MYO3B: variants seen among roughly 807,000 people sequenced by gnomAD.
The protein encoded by MYO3B is myosin IIIB.
A neutral mutation model predicts 174.6 loss-of-function variants in MYO3B; 156 were observed. That is an observed-to-expected ratio of 0.89 (90% confidence interval 0.78 to 1.02). The LOEUF is 1.02. Ranked by LOEUF, MYO3B falls within the 50% of genes least tolerant of loss-of-function variation. The probability of loss-of-function intolerance (pLI) is 0.00; values close to 1 mark genes in which losing one functional copy is unlikely to be tolerated. For synonymous variants in MYO3B, 563 were observed against 569.1 expected (o/e 0.99, Z 0.15); for missense variants, 1,632 against 1,639.4 (o/e 1.00, Z 0.08).
At chr2:170,444,786 A>T (rs1233272838) in intron 23 of MYO3B, among the ~76,000 whole-genome samples, 1 of 152,216 alleles carries the variant, frequency 6.6e-6, no homozygotes, top group Non-Finnish European at 1.5e-5. Context: ...TGTTAAAAAT[A>T]ATTTTTTACC....
chr2:170,235,434 T>C (rs2093059547), intron 6 of MYO3B, among the ~76,000 whole-genome samples: 1 of 152,230 alleles, frequency 6.6e-6, no homozygotes, highest in African/African-American at 2.4e-5. Context: ...CAGTTGTTTC[T>C]GTGATGCATA....
intron 7 of MYO3B, among the ~76,000 whole-genome samples, chr2:170,328,148 C>T (rs919161581): frequency 4.6e-5 from 7 of 151,926 alleles, no homozygotes; most frequent in African/African-American, 1.5e-4. Flanking sequence ...GTGATCTGCC[C>T]GCCTCAGCCT....
At chr2:170,520,110 C>T (rs1189070066) in intron 30 of MYO3B, 1 of 152,204 alleles carries the variant, frequency 6.6e-6, no homozygotes, top group Non-Finnish European at 1.5e-5. Flanking sequence ...GGTTAAACAT[C>T]CTCCCCCTGG....
chr2:170,593,102 A>AAGAG, intron 32 of MYO3B, among the ~76,000 whole-genome samples: 1 of 151,554 alleles, frequency 6.6e-6, no homozygotes, highest in African/African-American at 2.4e-5. Context: ...GATTTCTAGA[A>AAGAG]AGAGAGAGAG....
At chr2:170,524,368 G>C in intron 30 of MYO3B, 1 of 354,460 alleles carries the variant, frequency 2.8e-6, no homozygotes, top group Non-Finnish European at 5.5e-6. Flanking sequence ...GGTTATGCAG[G>C]GTCACACAGA....
chr2:170,371,196 C>T (rs112019342), intron 9 of MYO3B, among the ~76,000 whole-genome samples: 28,570 of 127,738 alleles, frequency 0.22, 3,126 homozygotes, highest in Middle Eastern at 0.36. Flanking sequence ...CCAGCCTGGG[C>T]GACAGAGCAA....
At chr2:170,392,098 G>A (rs1397036573) in intron 15 of MYO3B, among the ~76,000 whole-genome samples, 1 of 146,542 alleles carries the variant, frequency 6.8e-6, no homozygotes, top group East Asian at 2.0e-4. Flanking sequence ...GCTCCAGCCT[G>A]GGTGACAGAG....
intron 7 of MYO3B, among the ~76,000 whole-genome samples, chr2:170,273,222 G>A (rs1036592025): frequency 3.9e-5 from 6 of 152,068 alleles, no homozygotes; most frequent in African/African-American, 1.2e-4. Context: ...GACCATGTGG[G>A]GGTTTGAGGT....
chr2:170,443,260 T>G (rs1354296997), intron 22 of MYO3B, among the ~76,000 whole-genome samples: 4 of 152,258 alleles, frequency 2.6e-5, no homozygotes, highest in African/African-American at 9.6e-5. Context: ...GATGAGCATT[T>G]TTTCATGTGT....
chr2:170,410,592 GAAAAA>G (rs59296953), intron 22 of MYO3B, among the ~76,000 whole-genome samples: 1 of 112,530 alleles, frequency 8.9e-6, no homozygotes, highest in Non-Finnish European at 1.8e-5. Flanking sequence ...CAAAAAAAAA[GAAAAA>G]AAAAAAAAAA....
chr2:170,223,466 G>T (rs1400254559), intron 6 of MYO3B, among the ~76,000 whole-genome samples: 1 of 152,200 alleles, frequency 6.6e-6, no homozygotes, highest in African/African-American at 2.4e-5. Flanking sequence ...TGATGTTGTA[G>T]ATAAAGAATC....
chr2:170,319,093 G>A (rs2093796715), intron 7 of MYO3B, among the ~76,000 whole-genome samples: 1 of 152,168 alleles, frequency 6.6e-6, no homozygotes, highest in Non-Finnish European at 1.5e-5. Flanking sequence ...AGTAATAATA[G>A]CAAAAGGTTA....
intron 12 of MYO3B, chr2:170,385,951 A>G (rs967611599): frequency 2.6e-5 from 8 of 310,012 alleles, no homozygotes; most frequent in African/African-American, 4.3e-5. Context: ...AATTACAAGG[A>G]AAAAACTCAA....
intron 7 of MYO3B, among the ~76,000 whole-genome samples, chr2:170,293,039 G>A (rs149258174): frequency 2.6e-5 from 4 of 152,164 alleles, no homozygotes; most frequent in African/African-American, 4.8e-5. Context: ...GGCACCATGA[G>A]GGGGAGAGGC....
intron 7 of MYO3B, among the ~76,000 whole-genome samples, chr2:170,318,262 C>G (rs2093789756): frequency 6.6e-6 from 1 of 152,180 alleles, no homozygotes; most frequent in Admixed American, 6.5e-5. Context: ...CTTAGATTGA[C>G]CAAATGGGAC....
chr2:170,609,679 T>G (rs1475509180), intron 32 of MYO3B, among the ~76,000 whole-genome samples: 2 of 152,232 alleles, frequency 1.3e-5, no homozygotes, highest in Non-Finnish European at 2.9e-5. Flanking sequence ...TGCTGCTTAT[T>G]CTCAGCAGGT....
At chr2:170,538,478 G>A (rs146483064) in intron 30 of MYO3B, among the ~76,000 whole-genome samples, 82 of 152,302 alleles carry the variant, frequency 5.4e-4, no homozygotes, top group South Asian at 3.7e-3. Context: ...TGCCACCGGC[G>A]CAGCGTGACA....
At chr2:170,464,562 G>T (rs915522261) in intron 24 of MYO3B, among the ~76,000 whole-genome samples, 1 of 152,036 alleles carries the variant, frequency 6.6e-6, no homozygotes, top group East Asian at 1.9e-4. Context: ...GCAGGTGCAG[G>T]GATCTAAAAC....
intron 32 of MYO3B, among the ~76,000 whole-genome samples, chr2:170,598,947 C>T (rs1453719369): frequency 6.6e-6 from 1 of 152,108 alleles, no homozygotes; most frequent in Non-Finnish European, 1.5e-5. Context: ...AGAAATAGGT[C>T]CTTCCTCTTT....
Sources: gnomAD v4.1 joint callset for allele counts (sites outside exome capture counted in the v4.1 genomes callset) on GRCh38, gnomAD v4.1.1 for gene constraint, MANE v1.5 for transcripts, NCBI Gene and HGNC (gene_info 2026-07-23, HGNC 2026-07-21) for gene names.